Variants in FAM3D observed in about 807,000 individuals in gnomAD.
FAM3D encodes the protein protein FAM3D.
FAM3D carries 26 observed loss-of-function variants against 29.8 expected under a neutral mutation model. The ratio of observed to expected loss-of-function variants is 0.87; its 90% CI spans 0.64 to 1.21. FAM3D has a LOEUF of 1.21. Among genes scored for constraint, FAM3D ranks in the 50% most tolerant of loss-of-function variants. The probability of loss-of-function intolerance (pLI) is 0.00; values close to 1 mark genes in which losing one functional copy is unlikely to be tolerated. For missense variants in FAM3D, 253 were observed against 290.9 expected (o/e 0.87, Z 0.95); for synonymous variants, 115 against 102.3 (o/e 1.12, Z -0.75).
intron 1 of FAM3D, among the ~76,000 whole-genome samples, chr3:58,656,843 G>A (rs901076228): frequency 2.0e-5 from 3 of 152,142 alleles, no homozygotes; most frequent in Non-Finnish European, 2.9e-5. Flanking sequence ...AAGTCTATTC[G>A]CCTCCTTGGC....
At chr3:58,647,258 C>G (rs2066508548) in intron 4 of FAM3D, among the ~76,000 whole-genome samples, 1 of 152,256 alleles carries the variant, frequency 6.6e-6, no homozygotes, top group African/African-American at 2.4e-5. Flanking sequence ...AAGGGCTGTT[C>G]AGGAGAGAGT....
chr3:58,639,719 G>A (rs1023928953), intron 7 of FAM3D, among the ~76,000 whole-genome samples: 5 of 152,166 alleles, frequency 3.3e-5, no homozygotes, highest in East Asian at 3.8e-4. Context: ...AGAGACCTGC[G>A]TGGGCCCTGA....
At chr3:58,640,930 G>A (rs2066310422) in intron 6 of FAM3D, among the ~76,000 whole-genome samples, 1 of 152,238 alleles carries the variant, frequency 6.6e-6, no homozygotes, top group South Asian at 2.1e-4. Flanking sequence ...CGGGAGCCAC[G>A]TAGCGTGAAC....
At chr3:58,645,724 G>T in intron 4 of FAM3D, 98 bp from the exon 5 acceptor site, 2 of 1,020,862 alleles carry the variant, frequency 2.0e-6, no homozygotes, top group Non-Finnish European at 1.5e-6. Context: ...GCGCAGCTTG[G>T]GATGAAGCTC....
In FAM3D at chr3:58,634,705, T is replaced by C. The variant is rs2066113036; in HGVS notation, c.586-337A>G. Among the ~76,000 whole-genome samples, 1 of 152,200 alleles carries C rather than the reference T, an allele frequency of 6.6e-6. No individual in the cohort carries two copies. Among genetic ancestry groups the C allele is most frequent in the Admixed American group, 6.5e-5 (1 of 15,280 alleles). ...AAGACTCCGACCATGTCTTGAGCGCTTGCTGTATGCCACGTGGTGTTCTGC... is the reference window on the plus strand; with the variant it reads ...AAGACTCCGACCATGTCTTGAGCGCCTGCTGTATGCCACGTGGTGTTCTGC... On this transcript the variant is annotated intron_variant, in intron 9 of 9. Coordinates refer to ENST00000358781, the MANE Select transcript of FAM3D (RefSeq NM_138805.3). This position sits in a 1 kb window ranked among gnomAD's most constrained non-coding sequence, Gnocchi z 4.6.
At chr3:58,653,557 C>A in intron 3 of FAM3D, 117 bp downstream of exon 3, 1 of 1,001,156 alleles carries the variant, frequency 1.0e-6, no homozygotes, top group South Asian at 1.4e-5. Context: ...TGCTGGGGTC[C>A]CAAAGGCAGC....
rs2066110755 is a variant in FAM3D at position 58,634,648 on chromosome 3, C to T, written c.586-280G>A. 6.6e-6 allele frequency among the ~76,000 whole-genome samples: 1 copy of T among 152,074 alleles called. No individual in the cohort carries two copies. The highest frequency in any genetic ancestry group is 1.5e-5 in the Non-Finnish European group (1 of 68,012). ...TTCTCTGTGTCCCTCTAGGATACCT[C>T]AAATAACAATAATGATAGCAACAAT... is the stretch of plus-strand genomic sequence containing the variant. On this transcript the variant is annotated intron_variant, in intron 9 of 9. Transcript: ENST00000358781. This position sits in a 1 kb window ranked among gnomAD's most constrained non-coding sequence, Gnocchi z 4.6.
intron 2 of FAM3D, 107 bp from the exon 3 acceptor site, chr3:58,653,888 AC>A: frequency 2.4e-6 from 2 of 826,606 alleles, no homozygotes; most frequent in Non-Finnish European, 2.1e-6. Context: ...ATAGGCTCAG[AC>A]CACATCCATG....
intron 3 of FAM3D, among the ~76,000 whole-genome samples, chr3:58,650,067 C>T (rs2066590782): frequency 6.6e-6 from 1 of 152,226 alleles, no homozygotes; most frequent in Non-Finnish European, 1.5e-5. Context: ...GGGCCCTTGG[C>T]CACTTCCTGA....
chr3:58,664,337 T>C (rs1263062313), intron 1 of FAM3D, among the ~76,000 whole-genome samples: 1 of 152,220 alleles, frequency 6.6e-6, no homozygotes, highest in Non-Finnish European at 1.5e-5. Flanking sequence ...TACAGTGCAG[T>C]CCCTGACTCC....
At chr3:58,637,395 T>C (rs2066205142) in intron 7 of FAM3D, among the ~76,000 whole-genome samples, 170 bp from the exon 8 acceptor site, 1 of 152,084 alleles carries the variant, frequency 6.6e-6, no homozygotes, top group Non-Finnish European at 1.5e-5. Flanking sequence ...GTAGCCCTTG[T>C]CCTAGGGGAG....
In FAM3D at chr3:58,635,016, CAT is replaced by C. The variant is rs2066121869; in HGVS notation, c.586-650_586-649del. Among the ~76,000 whole-genome samples, 1 of 151,970 alleles carries C rather than the reference CAT, an allele frequency of 6.6e-6. No homozygotes were observed. Among genetic ancestry groups the C allele is most frequent in the African/African-American group, 2.4e-5 (1 of 41,360 alleles). On this transcript the variant is annotated intron_variant, in intron 9 of 9. Transcript: ENST00000358781. This position sits in a 1 kb window ranked among gnomAD's most constrained non-coding sequence, Gnocchi z 5.2. ...CATGGGAGACCCTGTCTCTAGAAAA[CAT>C]AAAAAAATTAGCTGGATGTGGTGGC... is the stretch of plus-strand genomic sequence containing the variant.
chr3:58,655,401 T>C (rs1239468523), intron 2 of FAM3D, 150 bp downstream of exon 2: 1 of 941,704 alleles, frequency 1.1e-6, no homozygotes, highest in Admixed American at 2.8e-5. Flanking sequence ...GGAAGTCGCC[T>C]CTTCTACTCT....
At chr3:58,649,564 C>T (rs992328527) in intron 3 of FAM3D, 11 of 579,680 alleles carry the variant, frequency 1.9e-5, no homozygotes, top group Non-Finnish European at 3.4e-5. Flanking sequence ...CACATATACA[C>T]ATGCACACAC....
intron 8 of FAM3D, 80 bp from the exon 9 acceptor site, chr3:58,636,500 G>T: frequency 6.4e-7 from 1 of 1,568,192 alleles, no homozygotes; most frequent in South Asian, 1.2e-5. Context: ...CATGGGGCAA[G>T]GTTCCCACTC....
At chr3:58,651,177 T>G (rs113992846) in intron 3 of FAM3D, among the ~76,000 whole-genome samples, 2,760 of 152,302 alleles carry the variant, frequency 0.018, 41 homozygotes, top group Non-Finnish European at 0.031. Flanking sequence ...CACTTTATAC[T>G]CCAACAGACT....
At chr3:58,664,539 C>T (rs925189156) in intron 1 of FAM3D, among the ~76,000 whole-genome samples, 3 of 152,218 alleles carry the variant, frequency 2.0e-5, no homozygotes, top group Non-Finnish European at 4.4e-5. Flanking sequence ...ATGCTTTGCA[C>T]ACATTGTCTT....
chr3:58,658,888 G>A (rs1167824073), intron 1 of FAM3D, among the ~76,000 whole-genome samples: 1 of 152,238 alleles, frequency 6.6e-6, no homozygotes, highest in Non-Finnish European at 1.5e-5. Flanking sequence ...CATCCCTCCT[G>A]TGGTAGACGT....
chr3:58,646,151 C>A (rs1244566545), intron 4 of FAM3D, among the ~76,000 whole-genome samples: 1 of 152,216 alleles, frequency 6.6e-6, no homozygotes, highest in Non-Finnish European at 1.5e-5. Flanking sequence ...GTGAGGAATA[C>A]ATGAGTGTGG....
Sources: allele counts gnomAD v4.1 joint callset (sites outside exome capture counted in the v4.1 genomes callset), GRCh38; gene constraint gnomAD v4.1.1; non-coding constraint Gnocchi (gnomAD v3.1); transcripts MANE v1.5; gene names NCBI Gene and HGNC (gene_info 2026-07-23, HGNC 2026-07-21).